Variants in PTGER3 observed in about 807,000 individuals in gnomAD.
PTGER3 encodes prostaglandin E2 receptor EP3 subtype.
Under a neutral mutation model 34.7 loss-of-function variants are expected in PTGER3, and 22 were observed. The observed-to-expected ratio is 0.63, with a 90% CI of 0.45 to 0.91. The LOEUF (loss-of-function observed/expected upper bound fraction) is 0.91. Among genes scored for constraint, PTGER3 ranks in the 40% least tolerant of loss-of-function variants. PTGER3 has a pLI of 0.00. For synonymous variants in PTGER3, 241 were observed against 230.1 expected (o/e 1.05, Z -0.43); for missense variants, 468 against 519.4 (o/e 0.90, Z 0.96).
rs1165145032 is a variant in PTGER3 at position 71,009,170 on chromosome 1, A to G, written c.1077+3135T>C. The G allele has an allele frequency of 3.0e-6, 3 of 985,174 alleles. No homozygotes were observed. In the African/African-American group the frequency reaches 5.2e-5, roughly 17 times the overall value. 61.0% of individuals were successfully genotyped at this position (985,174 alleles called of 1,614,324 possible). A position where few individuals can be genotyped will look rare whatever the true frequency, so the allele number is the denominator to read the frequency against. ...GAAAATCCAATATTAGAATACTGCCACAGAGTGACCCCCTTATTAAAATAC... is the reference window on the plus strand; with the variant it reads ...GAAAATCCAATATTAGAATACTGCCGCAGAGTGACCCCCTTATTAAAATAC... On this transcript the variant is annotated intron_variant, in intron 2 of 3. Transcript: ENST00000306666.
chr1:70,960,030 T>C lies in PTGER3; in HGVS notation c.1078-6241A>G, dbSNP rs146532223. On this transcript the variant is annotated intron_variant, in intron 2 of 3. Transcript: ENST00000356595. Reference sequence around the variant, plus strand: ...ACACACACATTCAGGGAGAACACTATGTGAACCTAAAGGCATAGATTGGTA... The same window carrying C: ...ACACACACATTCAGGGAGAACACTACGTGAACCTAAAGGCATAGATTGGTA... Among the ~76,000 whole-genome samples, 593 of 152,260 alleles carry C rather than the reference T, an allele frequency of 3.9e-3. 2 individuals carry two copies. Among genetic ancestry groups the C allele is most frequent in the Non-Finnish European group, 6.4e-3 (435 of 68,020 alleles).
At chr1:70,975,888 A>G (rs1310774146) in intron 2 of PTGER3, among the ~76,000 whole-genome samples, 1 of 152,078 alleles carries the variant, frequency 6.6e-6, no homozygotes, top group East Asian at 1.9e-4. Flanking sequence ...CCTATGTGAG[A>G]AGATTCTCCA....
At chr1:70,884,669 T>C (rs1046458426) in intron 4 of PTGER3, among the ~76,000 whole-genome samples, 8 of 152,184 alleles carry the variant, frequency 5.3e-5, no homozygotes, top group Non-Finnish European at 1.0e-4. Context: ...AGTAAAACTG[T>C]GTTGCTTTAA....
intron 4 of PTGER3, among the ~76,000 whole-genome samples, chr1:70,877,517 T>A (rs1646298093): frequency 6.6e-6 from 1 of 152,168 alleles, no homozygotes; most frequent in Non-Finnish European, 1.5e-5. Flanking sequence ...AGAGTAGATA[T>A]CTTTGTCTTG....
chr1:70,873,050 A>G (rs767385058), intron 4 of PTGER3, among the ~76,000 whole-genome samples: 2 of 152,140 alleles, frequency 1.3e-5, no homozygotes, highest in Non-Finnish European at 2.9e-5. Context: ...TCTATCCTGC[A>G]TCCTCAGGAT....
intron 4 of PTGER3, among the ~76,000 whole-genome samples, chr1:70,887,951 G>A (rs1381323379): frequency 6.6e-6 from 1 of 151,260 alleles, no homozygotes; most frequent in Non-Finnish European, 1.5e-5. Flanking sequence ...GGTAAAGGCA[G>A]CTTCATATGT....
In PTGER3 at chr1:70,953,653, G is replaced by A. The variant is rs1021298524; in HGVS notation, c.1104+110C>T. 3.4e-6 allele frequency: 5 copies of A among 1,474,022 alleles called. No individual in the cohort carries two copies. The African/African-American group carries it at 7.3e-5, about 21-fold the overall frequency. 91.3% of individuals were successfully genotyped at this position (1,474,022 alleles called of 1,614,324 possible). A position where few individuals can be genotyped will look rare whatever the true frequency, so the allele number is the denominator to read the frequency against. ...GTTCCTTCACATTCTTGATAGGAAG[G>A]AAAACACGAACTTTCAATTTAAGGA... On this transcript the variant is annotated intron_variant, in intron 3 of 3. Transcript: ENST00000356595.
chr1:70,975,101 G>A (rs1233545266), intron 2 of PTGER3, among the ~76,000 whole-genome samples: 4 of 152,072 alleles, frequency 2.6e-5, no homozygotes, highest in African/African-American at 7.2e-5. Flanking sequence ...CATATGAAAC[G>A]TATAGTTATG....
chr1:70,864,501 ATTTACTGGGT>A (rs2100500960), intron 4 of PTGER3, among the ~76,000 whole-genome samples: 1 of 152,264 alleles, frequency 6.6e-6, no homozygotes, highest in Non-Finnish European at 1.5e-5. Context: ...TGACTCAGGG[ATTTACTGGGT>A]CTTACACCAA....
chr1:70,953,122 A>G (rs967017511), intron 3 of PTGER3: 37 of 1,357,062 alleles, frequency 2.7e-5, no homozygotes, highest in Non-Finnish European at 3.3e-5. Context: ...GAAAATAAAA[A>G]TAATACAAAT....
intron 2 of PTGER3, among the ~76,000 whole-genome samples, chr1:70,980,573 G>C (rs1654156899): frequency 6.6e-6 from 1 of 152,026 alleles, no homozygotes; most frequent in African/African-American, 2.4e-5. Flanking sequence ...AGGGATCCCA[G>C]GAATCTGAGC....
intron 2 of PTGER3, among the ~76,000 whole-genome samples, chr1:71,003,159 C>T (rs1656641230): frequency 6.6e-6 from 1 of 152,182 alleles, no homozygotes; most frequent in African/African-American, 2.4e-5. Context: ...TAAAAGTTGG[C>T]TTAAACCATT....
At chr1:70,873,010 C>T (rs1314103117) in intron 4 of PTGER3, among the ~76,000 whole-genome samples, 2 of 152,126 alleles carry the variant, frequency 1.3e-5, no homozygotes, top group African/African-American at 4.8e-5. Flanking sequence ...AGGCATAGCT[C>T]CCTCTTTCCA....
At chr1:71,000,730 C>G (rs1656394834) in intron 2 of PTGER3, among the ~76,000 whole-genome samples, 4 of 152,012 alleles carry the variant, frequency 2.6e-5, no homozygotes, top group Admixed American at 6.6e-5. Context: ...GCCACTGTTC[C>G]AAAGCAAACT....
At chr1:71,000,575 G>A (rs978613955) in intron 2 of PTGER3, among the ~76,000 whole-genome samples, 1 of 152,152 alleles carries the variant, frequency 6.6e-6, no homozygotes, top group Admixed American at 6.5e-5. Flanking sequence ...GAAGGATGAA[G>A]ACATGGGATC....
chr1:70,863,205 T>A (rs1052981689), intron 4 of PTGER3, among the ~76,000 whole-genome samples: 2 of 152,114 alleles, frequency 1.3e-5, no homozygotes, highest in African/African-American at 4.8e-5. Flanking sequence ...CTCTCCCATG[T>A]TCGTCTTTGC....
Position 70,971,566 on chromosome 1 carries a change from G to T in PTGER3, c.*164C>A. ...CAGAGGCATGGATTATAATAATAAA[G>T]TTGATCTCCATGGGTATTACTGACA... On this transcript the variant is annotated 3_prime_UTR_variant, in exon 4 of 4. Transcript: ENST00000306666. 7.8e-7 allele frequency: 1 copy of T among 1,276,392 alleles called. No individual in the cohort carries two copies. The highest frequency in any genetic ancestry group is 1.0e-6 in the Non-Finnish European group (1 of 1,004,458). The allele number at this position is 1,276,392 out of a possible 1,614,324, so 79.1% of individuals were successfully genotyped here. A position where few individuals can be genotyped will look rare whatever the true frequency, so the allele number is the denominator to read the frequency against.
chr1:71,025,175 T>TCC, intron 1 of PTGER3, among the ~76,000 whole-genome samples: 4 of 117,910 alleles, frequency 3.4e-5, no homozygotes, highest in Admixed American at 8.3e-5. Flanking sequence ...TTTCCTTCCT[T>TCC]TTTTTCCTTC....
At chr1:70,925,736 T>C (rs200524090) in intron 4 of PTGER3, among the ~76,000 whole-genome samples, 2 of 152,164 alleles carry the variant, frequency 1.3e-5, no homozygotes, top group East Asian at 3.8e-4. Context: ...ATGAAATTTA[T>C]CTTAAGTGGG....
Sources: gnomAD v4.1 joint callset for allele counts (sites outside exome capture counted in the v4.1 genomes callset) on GRCh38, gnomAD v4.1.1 for gene constraint, MANE v1.5 for transcripts, NCBI Gene and HGNC (gene_info 2026-07-23, HGNC 2026-07-21) for gene names.